H6PD: variants seen among roughly 807,000 people sequenced by gnomAD.
H6PD encodes the protein GDH/6PGL endoplasmic bifunctional protein.
In H6PD, 48 loss-of-function variants were observed where a neutral mutation model predicts 61.2. The ratio of observed to expected loss-of-function variants is 0.78; its 90% confidence interval spans 0.62 to 1.00. H6PD has a LOEUF of 1.00. Ranked by LOEUF, H6PD falls within the 50% of genes least tolerant of loss-of-function variation. The pLI, the probability that H6PD is intolerant of heterozygous loss-of-function variation, is 0.00. For synonymous variants in H6PD, 480 were observed against 457.9 expected, an observed-to-expected ratio of 1.05 and a Z score of -0.62; for missense variants, 1,093 against 1,065.0, an observed-to-expected ratio of 1.03 and a Z score of -0.37.
At chr1:9,235,774 C>G (rs1313858581) in intron 1 of H6PD, among the ~76,000 whole-genome samples, 1 of 152,106 alleles carries the variant, frequency 6.6e-6, no homozygotes, top group Admixed American at 6.5e-5. Context: ...CCACGCCTGG[C>G]TAATTTTTAA....
At chr1:9,240,912 T>C (rs558747881) in intron 1 of H6PD, among the ~76,000 whole-genome samples, 31 of 152,294 alleles carry the variant, frequency 2.0e-4, no homozygotes, top group Admixed American at 2.0e-3. Context: ...CGTGGGTGCC[T>C]CTGCTCCAGA....
intron 3 of H6PD, among the ~76,000 whole-genome samples, chr1:9,247,917 A>G (rs11804519): frequency 0.013 from 2,049 of 152,326 alleles, 64 homozygotes; most frequent in African/African-American, 0.047. Flanking sequence ...CCCAGTAACG[A>G]TAAGAGCTGA....
At position 9,263,654 on chromosome 1, in the gene H6PD, C is replaced by T. The variant is rs115109857; in HGVS notation, c.1161C>T (p.Ala387=). 2.3e-3 allele frequency: 3,786 copies of T among 1,614,166 alleles called. 6 individuals carry two copies. Among genetic ancestry groups the T allele is most frequent in the Non-Finnish European group, 3.0e-3 (3,559 of 1,180,024 alleles). The change falls in exon 5 of 5, where the codon GCC becomes GCT. Residue 387 remains alanine, a synonymous_variant. Transcript: ENST00000377403. The part of the protein sequence containing the change: ...ACCVQSEKHW[A]AAQSQCLPRQ... ...GTGTGCAGAGCGAAAAGCACTGGGC[C>T]GCGGCGCAGAGCCAGTGCCTGCCCC...
intron 3 of H6PD, 44 bp from the exon 4 acceptor site, chr1:9,262,015 G>T (rs548516295): frequency 6.2e-7 from 1 of 1,605,512 alleles, no homozygotes; most frequent in African/African-American, 1.3e-5. Flanking sequence ...TGATGTTCTG[G>T]CCTCTCTTTA....
chr1:9,270,283 T>C lies in H6PD; in HGVS notation c.*5414T>C, dbSNP rs1207915345. 1 of 152,608 alleles carries C rather than the reference T, an allele frequency of 6.6e-6. No individual in the cohort carries two copies. 9.5% of individuals were successfully genotyped at this position (152,608 alleles called of 1,614,324 possible). ...GGGAGAGGTAAACACTTTGATTTGCTGAAAGCTGTATGGAGTATATTTGAA... is the reference window on the plus strand; with the variant it reads ...GGGAGAGGTAAACACTTTGATTTGCCGAAAGCTGTATGGAGTATATTTGAA... On this transcript the variant is annotated 3_prime_UTR_variant, in exon 5 of 5. Transcript: ENST00000377403.
Position 9,264,556 on chromosome 1 carries a change from T to C in H6PD, c.2063T>C (p.Leu688Pro). ...CTGGTGGCCAACAGCAGCTTCGACC[T>C]GGTGCTGCTGGGCATGGGTGCCGAC... ...SALVANSSFD[L>P]VLLGMGADGH... Residue 688 changes from leucine to proline, a missense_variant, in exon 5 of 5, where the codon CTG becomes CCG. Physicochemically the swap from Leu to Pro is moderately conservative, Grantham distance 98. Transcript: ENST00000377403. 4 of 1,613,242 alleles carry C rather than the reference T, an allele frequency of 2.5e-6. No homozygotes were observed. The highest frequency in any genetic ancestry group is 3.4e-6 in the Non-Finnish European group (4 of 1,179,852).
Position 9,244,906 on chromosome 1 carries a change from G to A in H6PD, c.-10-19G>A. The A allele has an allele frequency of 6.2e-7, 1 of 1,611,038 alleles. No individual in the cohort carries two copies. The highest frequency in any genetic ancestry group is 1.3e-5 in the African/African-American group (1 of 75,012). ...TCTGATCCTTCCTTGTTCCTCGTCT[G>A]TCTCTCTTTGCACCCCAGGCACCCA... On this transcript the variant is annotated intron_variant, in intron 1 of 4. Transcript: ENST00000377403.
intron 1 of H6PD, among the ~76,000 whole-genome samples, chr1:9,236,819 A>G (rs1482231834): frequency 6.6e-6 from 1 of 152,208 alleles, no homozygotes; most frequent in Non-Finnish European, 1.5e-5. Context: ...CTGAGGGTAC[A>G]TAGTTACTGA....
chr1:9,248,380 C>A (rs1323387269), intron 3 of H6PD, among the ~76,000 whole-genome samples: 1 of 152,210 alleles, frequency 6.6e-6, no homozygotes, highest in African/African-American at 2.4e-5. Context: ...GCCAGAAGCT[C>A]TCTGCGGGGC....
chr1:9,264,826 G>A lies in H6PD; in HGVS notation c.2333G>A (p.Gly778Asp), dbSNP rs763720569. Residue 778 changes from glycine (G) to aspartate (D), a missense_variant, in exon 5 of 5, where the codon GGC becomes GAC. By Grantham distance (94) the Gly-to-Asp change is moderately conservative. Transcript: ENST00000377403. ...WPISGVLPHS[G>D]QLVWYMDYDA... ...ATCTCGGGTGTCCTGCCGCACTCCGGCCAGCTGGTGTGGTACATGGACTAC... is the reference window on the plus strand; with the variant it reads ...ATCTCGGGTGTCCTGCCGCACTCCGACCAGCTGGTGTGGTACATGGACTAC... 8.7e-6 allele frequency: 14 copies of A among 1,612,482 alleles called. No homozygotes were observed. Among genetic ancestry groups the A allele is most frequent in the Non-Finnish European group, 1.2e-5 (14 of 1,180,030 alleles).
In H6PD at chr1:9,264,207, G is replaced by A. The variant is rs565031451; in HGVS notation, c.1714G>A (p.Glu572Lys). 6.2e-5 allele frequency: 100 copies of A among 1,610,704 alleles called. No individual in the cohort carries two copies. The highest frequency in any genetic ancestry group is 1.7e-4 in the Middle Eastern group (1 of 6,056). ...ELISKLANDI[E>K]ATAVRAVRRF... Reference sequence around the variant, plus strand: ...GATCTCTAAGCTGGCTAATGACATCGAGGCCACCGCTGTGCGAGCCGTGCG... The same window carrying A: ...GATCTCTAAGCTGGCTAATGACATCAAGGCCACCGCTGTGCGAGCCGTGCG... Residue 572 changes from glutamate to lysine, a missense_variant, in exon 5 of 5, where the codon GAG becomes AAG. Transcript: ENST00000377403.
In H6PD at chr1:9,234,939, G is replaced by C. The variant is rs1640807685; in HGVS notation, c.-138G>C. On this transcript the variant is annotated 5_prime_UTR_variant, in exon 1 of 5. Transcript: ENST00000377403. ...GGCCGCGTGACACGCGCACTTGTCG[G>C]AGTGACGGGCCCTGCGGAAGAGGAG... is the stretch of plus-strand genomic sequence containing the variant. 1 of 147,988 alleles carries C rather than the reference G, an allele frequency of 6.8e-6. No individual in the cohort carries two copies. Among genetic ancestry groups the C allele is most frequent in the African/African-American group, 2.4e-5 (1 of 41,046 alleles). The allele number at this position is 147,988 out of a possible 1,614,324, so 9.2% of individuals were successfully genotyped here.
intron 1 of H6PD, among the ~76,000 whole-genome samples, chr1:9,240,444 G>C (rs552962335): frequency 6.6e-6 from 1 of 152,024 alleles, no homozygotes; most frequent in Non-Finnish European, 1.5e-5. Context: ...ACCTTTCCTC[G>C]GAAAACAGGA....
Position 9,264,361 on chromosome 1 carries a change from G to A in H6PD, c.1868G>A (p.Cys623Tyr), listed in dbSNP as rs1256312825. 5.0e-6 allele frequency: 8 copies of A among 1,612,612 alleles called. No homozygotes were observed. Among genetic ancestry groups the A allele is most frequent in the East Asian group, 2.2e-5 (1 of 44,876 alleles). ...CACCTGTGGCTGGTTGACGAGCGCT[G>A]CGTCCCACTCTCAGACCCGGAGTCC... ...HTHLWLVDER[C>Y]VPLSDPESNF... Residue 623 changes from cysteine (C) to tyrosine (Y), a missense_variant, in exon 5 of 5, where the codon TGC (cysteine) becomes TAC (tyrosine). Cys to Tyr is a radical substitution (Grantham distance 194, BLOSUM62 -2). Transcript: ENST00000377403.
chr1:9,247,672 C>T (rs1221036641), intron 3 of H6PD, among the ~76,000 whole-genome samples: 1 of 152,148 alleles, frequency 6.6e-6, no homozygotes, highest in African/African-American at 2.4e-5. Flanking sequence ...AGGAGGACAC[C>T]GCCTCTCCCG....
intron 3 of H6PD, among the ~76,000 whole-genome samples, chr1:9,249,535 G>A (rs111790103): frequency 1.4e-3 from 210 of 152,296 alleles, no homozygotes; most frequent in African/African-American, 4.7e-3. Context: ...AGCCTTGCCT[G>A]CCATATGGGG....
In H6PD at chr1:9,265,712, T is replaced by G. The variant is rs1181071175; in HGVS notation, c.*843T>G. 1 of 152,508 alleles carries G rather than the reference T, an allele frequency of 6.6e-6. No individual in the cohort carries two copies. Among genetic ancestry groups the G allele is most frequent in the Non-Finnish European group, 1.5e-5 (1 of 68,282 alleles). The allele number at this position is 152,508 out of a possible 1,614,324, so 9.4% of individuals were successfully genotyped here. ...TCTTGCTATGTTGCCCAGGCTGGTC[T>G]CAAACTCCTGGGCTCAAGCGATCCT... On this transcript the variant is annotated 3_prime_UTR_variant, in exon 5 of 5. Coordinates refer to ENST00000377403, the MANE Select transcript of H6PD (RefSeq NM_004285.4).
intron 4 of H6PD, among the ~76,000 whole-genome samples, chr1:9,262,877 C>T (rs575793553): frequency 1.1e-4 from 17 of 152,320 alleles, no homozygotes; most frequent in Admixed American, 3.3e-4. Flanking sequence ...GCACCAACCA[C>T]GAGGCAGGGG....
chr1:9,262,895 C>T (rs1302858016), intron 4 of H6PD, among the ~76,000 whole-genome samples: 2 of 152,180 alleles, frequency 1.3e-5, no homozygotes, highest in Non-Finnish European at 2.9e-5. Context: ...GGGCCATTAG[C>T]CCCGTTTTAC....
Sources: gnomAD v4.1 joint callset for allele counts (sites outside exome capture counted in the v4.1 genomes callset) on GRCh38, gnomAD v4.1.1 for gene constraint, MANE v1.5 for transcripts, NCBI Gene and HGNC (gene_info 2026-07-23, HGNC 2026-07-21) for gene names.